ANKS3: variants seen among roughly 807,000 people sequenced by gnomAD.
The protein encoded by ANKS3 is ankyrin repeat and sterile alpha motif domain containing 3, also known as ankyrin repeat and SAM domain-containing protein 3.
Under a neutral mutation model 80.7 loss-of-function variants are expected in ANKS3, and 62 were observed. That is an observed-to-expected ratio of 0.77 (90% CI 0.63 to 0.95). ANKS3 has a LOEUF of 0.95. Among genes scored for constraint, ANKS3 ranks in the 40% least tolerant of loss-of-function variants. The probability of loss-of-function intolerance (pLI) is 0.00; values close to 1 mark genes in which losing one functional copy is unlikely to be tolerated. For missense variants in ANKS3, 1,150 were observed against 883.6 expected (o/e 1.30, Z -3.82); for synonymous variants, 489 against 355.3 (o/e 1.38, Z -4.23).
intron 8 of ANKS3, among the ~76,000 whole-genome samples, chr16:4,704,172 G>C (rs527577937): frequency 2.6e-5 from 4 of 152,322 alleles, no homozygotes; most frequent in South Asian, 2.1e-4. Context: ...CAGGATGATG[G>C]GAGAAGGTGG....
intron 10 of ANKS3, 143 bp from the exon 11 acceptor site, chr16:4,701,277 G>C: frequency 7.1e-7 from 1 of 1,418,088 alleles, no homozygotes; most frequent in Non-Finnish European, 9.6e-7. Context: ...GTTCGCTGTC[G>C]TCTGAGAAGC....
intron 9 of ANKS3, 49 bp from the exon 10 acceptor site, chr16:4,701,592 T>G (rs1445240207): frequency 9.7e-6 from 15 of 1,539,172 alleles, no homozygotes; most frequent in Middle Eastern, 3.4e-4. Context: ...ACCGAGGTGC[T>G]GCGCATGGGC....
Position 4,705,193 on chromosome 16 carries a change from G to A in ANKS3, c.770C>T (p.Pro257Leu). Reference protein sequence around the residue: ...ESCPAPQRQRPCRKKGVSIHE... With the variant: ...ESCPAPQRQRLCRKKGVSIHE... ...GATGCTGACACCCTTCTTCCGGCAA[G>A]GCCTCTGTCTCTGAGGAGCAGGGCA... is the stretch of plus-strand genomic sequence containing the variant. The change falls in exon 8 of 18, where the codon CCT becomes CTT. Residue 257 changes from proline (P) to leucine (L), a missense_variant. Pro to Leu is a moderately conservative substitution (Grantham distance 98). Coordinates refer to ENST00000304283, the MANE Select transcript of ANKS3 (RefSeq NM_133450.4). 1.2e-6 allele frequency: 2 copies of A among 1,613,984 alleles called. No individual in the cohort carries two copies. Among genetic ancestry groups the A allele is most frequent in the East Asian group, 2.2e-5 (1 of 44,890 alleles).
At chr16:4,697,910 C>T (rs763945046) in intron 15 of ANKS3, 67 bp downstream of exon 15, 3 of 1,391,346 alleles carry the variant, frequency 2.2e-6, no homozygotes, top group Admixed American at 5.7e-5. Flanking sequence ...CCCACTGGGT[C>T]AAACCTGGCT....
chr16:4,711,702 G>C (rs1486871339), intron 7 of ANKS3, among the ~76,000 whole-genome samples: 1 of 138,348 alleles, frequency 7.2e-6, no homozygotes, highest in Non-Finnish European at 1.5e-5. Flanking sequence ...TGGGGAACAA[G>C]AGTGAAACTC....
intron 16 of ANKS3, 110 bp from the exon 17 acceptor site, chr16:4,697,214 C>G: frequency 6.4e-7 from 1 of 1,551,814 alleles, no homozygotes; most frequent in Non-Finnish European, 8.9e-7. Flanking sequence ...CGTTATGGCC[C>G]CAGCCCCGAG....
Position 4,699,114 on chromosome 16 carries a change from C to A in ANKS3, c.1347G>T (p.Gln449His), listed in dbSNP as rs778546392. Residue 449 changes from glutamine to histidine, a missense_variant, in exon 12 of 18, where the codon CAG becomes CAT. Coordinates refer to ENST00000304283, the MANE Select transcript of ANKS3 (RefSeq NM_133450.4). The part of the protein sequence containing the change: ...CLKYLQVFEE[Q>H]DVDLRIFLTL... ...TCAGAAAGATGCGGAGGTCCACGTC[C>A]TGCTCCTCAAACACCTGCAGGTACT... 2 of 1,614,188 alleles carry A rather than the reference C, an allele frequency of 1.2e-6. No homozygotes were observed. Among genetic ancestry groups the A allele is most frequent in the South Asian group, 2.2e-5 (2 of 91,088 alleles).
At chr16:4,733,315 A>G (rs2081760047) in intron 1 of ANKS3, among the ~76,000 whole-genome samples, 1 of 151,590 alleles carries the variant, frequency 6.6e-6, no homozygotes, top group Non-Finnish European at 1.5e-5. Flanking sequence ...TTTTTGAGAC[A>G]TAATCTCACT....
At chr16:4,702,671 G>A (rs945268339) in intron 8 of ANKS3, among the ~76,000 whole-genome samples, 1 of 152,084 alleles carries the variant, frequency 6.6e-6, no homozygotes, top group Non-Finnish European at 1.5e-5. Context: ...GCCTCCTCTG[G>A]TCAGTCAACC....
intron 8 of ANKS3, 32 bp from the exon 9 acceptor site, chr16:4,702,274 G>A: frequency 6.9e-7 from 1 of 1,454,146 alleles, no homozygotes; most frequent in Non-Finnish European, 9.1e-7. Context: ...TAAGCCCAGG[G>A]AACTCCAAAG....
intron 7 of ANKS3, among the ~76,000 whole-genome samples, chr16:4,706,507 C>T (rs13331452): frequency 6.6e-6 from 1 of 152,074 alleles, no homozygotes; most frequent in Non-Finnish European, 1.5e-5. Flanking sequence ...AAAGTGCTGG[C>T]ATCACAGGAG....
chr16:4,697,922 C>T, intron 15 of ANKS3, 55 bp downstream of exon 15: 5 of 1,434,698 alleles, frequency 3.5e-6, no homozygotes, highest in Non-Finnish European at 4.6e-6. Context: ...AACCTGGCTT[C>T]AGGGCTCCCC....
intron 7 of ANKS3, among the ~76,000 whole-genome samples, chr16:4,711,508 C>T (rs898250111): frequency 2.0e-5 from 3 of 151,340 alleles, no homozygotes; most frequent in East Asian, 2.0e-4. Flanking sequence ...CACCTGAGGT[C>T]GGGAGTTTGA....
intron 6 of ANKS3, among the ~76,000 whole-genome samples, chr16:4,714,852 C>T (rs1421590787): frequency 2.0e-5 from 3 of 151,646 alleles, no homozygotes; most frequent in African/African-American, 7.3e-5. Context: ...ATTAGCCGGG[C>T]GTGGTGGTGA....
At chr16:4,698,146 G>C in intron 14 of ANKS3, 84 bp from the exon 15 acceptor site, 1 of 1,442,934 alleles carries the variant, frequency 6.9e-7, no homozygotes, top group Non-Finnish European at 9.5e-7. Flanking sequence ...AGGGGAGGGA[G>C]GGGCTCAGCC....
intron 3 of ANKS3, among the ~76,000 whole-genome samples, chr16:4,728,423 G>C (rs1271322414): frequency 6.6e-6 from 1 of 152,120 alleles, no homozygotes; most frequent in East Asian, 1.9e-4. Flanking sequence ...TGCACACCTG[G>C]GCAGCCATTC....
intron 6 of ANKS3, among the ~76,000 whole-genome samples, chr16:4,716,886 G>A (rs747817658): frequency 1.3e-5 from 2 of 151,990 alleles, no homozygotes; most frequent in African/African-American, 4.8e-5. Flanking sequence ...CTGCACTACA[G>A]CCTCGACGAC....
intron 7 of ANKS3, among the ~76,000 whole-genome samples, chr16:4,707,911 GA>G (rs2080283699): frequency 6.6e-6 from 1 of 152,046 alleles, no homozygotes; most frequent in South Asian, 2.1e-4. Context: ...AGGACTTCAA[GA>G]CCAACCTGGC....
intron 6 of ANKS3, among the ~76,000 whole-genome samples, chr16:4,714,475 C>G (rs2080671093): frequency 6.6e-6 from 1 of 152,222 alleles, no homozygotes; most frequent in South Asian, 2.1e-4. Context: ...GCGGAGATCC[C>G]AGCCTTCACC....
Sources: gnomAD v4.1 joint callset for allele counts (sites outside exome capture counted in the v4.1 genomes callset) on GRCh38, gnomAD v4.1.1 for gene constraint, MANE v1.5 for transcripts, NCBI Gene and HGNC (gene_info 2026-07-23, HGNC 2026-07-21) for gene names.